Variants in FBLN2 observed in about 807,000 individuals in gnomAD.
FBLN2 encodes the protein fibulin-2.
In FBLN2, 81 loss-of-function variants were observed where a neutral mutation model predicts 123.7. That is an observed-to-expected ratio of 0.65 (90% CI 0.55 to 0.79). The LOEUF is 0.79. Among genes scored for constraint, FBLN2 ranks in the 30% least tolerant of loss-of-function variants. The pLI, the probability that FBLN2 is intolerant of heterozygous loss-of-function variation, is 0.00. For synonymous variants in FBLN2, 699 were observed against 701.4 expected (o/e 1.00, Z 0.05); for missense variants, 1,603 against 1,681.3 (o/e 0.95, Z 0.81).
In FBLN2 at chr3:13,637,782, G is replaced by A. The variant is rs1272383929; in HGVS notation, c.3559G>A (p.Gly1187Ser). 3.1e-6 allele frequency: 5 copies of A among 1,613,808 alleles called. No homozygotes were observed. The highest frequency in any genetic ancestry group is 1.6e-4 in the Middle Eastern group (1 of 6,078). Residue 1187 changes from glycine (G) to serine (S), a missense_variant, in exon 18 of 18, where the codon GGT becomes AGT. Coordinates refer to ENST00000404922, the MANE Select transcript of FBLN2 (RefSeq NM_001004019.2). ...FGTRRLNAYT[G>S]VVYLQRAVLE... ...CACGCGCAGGCTCAATGCCTACACG[G>A]GTGTGGTCTACCTGCAGCGGGCCGT... is the stretch of plus-strand genomic sequence containing the variant.
At chr3:13,609,137 C>T (rs988148076) in intron 3 of FBLN2, among the ~76,000 whole-genome samples, 1 of 152,216 alleles carries the variant, frequency 6.6e-6, no homozygotes, top group Non-Finnish European at 1.5e-5. Context: ...CCCAGGCAGC[C>T]CAACAGTGAC....
chr3:13,631,466 G>T lies in FBLN2; in HGVS notation c.3214+9G>T. Reference sequence around the variant, plus strand: ...CGGGAGGTCCTGCAAGGGTGAGCAAGTCCCCCCACACGCCCCCGCCTCCAT... The same window carrying T: ...CGGGAGGTCCTGCAAGGGTGAGCAATTCCCCCCACACGCCCCCGCCTCCAT... On this transcript the variant is annotated intron_variant, in intron 16 of 17. Coordinates refer to ENST00000404922, the MANE Select transcript of FBLN2 (RefSeq NM_001004019.2). The T allele has an allele frequency of 3.2e-6, 5 of 1,580,070 alleles. No individual in the cohort carries two copies. In the South Asian group the frequency reaches 5.8e-5, roughly 18 times the overall value.
At chr3:13,558,225 C>T (rs1176688292) in intron 1 of FBLN2, among the ~76,000 whole-genome samples, 2 of 152,176 alleles carry the variant, frequency 1.3e-5, no homozygotes, top group African/African-American at 2.4e-5. Flanking sequence ...CTGTCTCCAT[C>T]GCTGTCTGTC....
chr3:13,619,547 A>T (rs2280304), intron 7 of FBLN2, among the ~76,000 whole-genome samples, 183 bp from the exon 8 acceptor site: 27,471 of 152,264 alleles, frequency 0.18, 3,049 homozygotes, highest in Admixed American at 0.26. Flanking sequence ...GTGTTGGAGC[A>T]GACTTAATGG....
At chr3:13,556,258 G>T (rs1225713785) in intron 1 of FBLN2, among the ~76,000 whole-genome samples, 1 of 152,068 alleles carries the variant, frequency 6.6e-6, no homozygotes, top group Non-Finnish European at 1.5e-5. Flanking sequence ...TTCGTTCCTG[G>T]TGAGAGTTTT....
At chr3:13,585,220 A>G (rs1704459632) in intron 2 of FBLN2, among the ~76,000 whole-genome samples, 1 of 152,220 alleles carries the variant, frequency 6.6e-6, no homozygotes, top group African/African-American at 2.4e-5. Context: ...AGCCGTGGCC[A>G]TCAGGATAGA....
In FBLN2 at chr3:13,609,654, C is replaced by T. The variant is rs1368177556; in HGVS notation, c.1548+12C>T. On this transcript the variant is annotated intron_variant, in intron 4 of 17. Coordinates refer to ENST00000404922, the MANE Select transcript of FBLN2 (RefSeq NM_001004019.2). ...TCTCCCTGTACAAGGCAAGCCTGACCTGTGGCCTTCAAGGCAGGGTGGGGT... is the reference window on the plus strand; with the variant it reads ...TCTCCCTGTACAAGGCAAGCCTGACTTGTGGCCTTCAAGGCAGGGTGGGGT... 1 of 835,440 alleles carries T rather than the reference C, an allele frequency of 1.2e-6. No homozygotes were observed. Among genetic ancestry groups the T allele is most frequent in the Non-Finnish European group, 1.7e-6 (1 of 589,004 alleles). 51.8% of individuals were successfully genotyped at this position (835,440 alleles called of 1,614,324 possible). A position where few individuals can be genotyped will look rare whatever the true frequency, so the allele number is the denominator to read the frequency against.
chr3:13,622,244 CTG>C (rs1705879639), intron 9 of FBLN2, among the ~76,000 whole-genome samples: 1 of 152,180 alleles, frequency 6.6e-6, no homozygotes, highest in Non-Finnish European at 1.5e-5. Context: ...TGTGTGGGGT[CTG>C]GAGGCAGGAG....
At chr3:13,617,661 AC>A in intron 5 of FBLN2, among the ~76,000 whole-genome samples, 1 of 66,304 alleles carries the variant, frequency 1.5e-5, no homozygotes, top group East Asian at 4.8e-4. Flanking sequence ...CCATCTACCC[AC>A]CCATCCACCC....
chr3:13,628,847 G>A (rs1032612200), intron 11 of FBLN2, 58 bp from the exon 12 acceptor site: 5 of 1,584,832 alleles, frequency 3.2e-6, no homozygotes, highest in Non-Finnish European at 4.3e-6. Flanking sequence ...CCTGGGAGGG[G>A]CTGGGGCCTG....
intron 2 of FBLN2, among the ~76,000 whole-genome samples, chr3:13,589,718 C>A (rs567139557): frequency 1.4e-4 from 21 of 152,286 alleles, no homozygotes; most frequent in African/African-American, 5.1e-4. Context: ...ATTACCAATT[C>A]CCTAATGCCT....
At chr3:13,627,662 C>T (rs1706094273) in intron 10 of FBLN2, among the ~76,000 whole-genome samples, 170 bp from the exon 11 acceptor site, 1 of 152,232 alleles carries the variant, frequency 6.6e-6, no homozygotes, top group East Asian at 1.9e-4. Context: ...GTTGTTATTA[C>T]TCCTGGGACA....
intron 2 of FBLN2, among the ~76,000 whole-genome samples, chr3:13,602,935 G>A (rs1705082454): frequency 1.4e-5 from 2 of 145,614 alleles, no homozygotes; most frequent in African/African-American, 2.6e-5. Flanking sequence ...TCCCCAAGAC[G>A]AGTCTTGCTC....
chr3:13,571,100 G>A lies in FBLN2; in HGVS notation c.745G>A (p.Ala249Thr), dbSNP rs3821789. The change falls in exon 2 of 18, where the codon GCT becomes ACT. Residue 249 changes from alanine to threonine, a missense_variant. Coordinates refer to ENST00000404922, the MANE Select transcript of FBLN2 (RefSeq NM_001004019.2). The part of the protein sequence containing the change: ...LSTIQAPPWP[A>T]VLPRPTAAAA... ...CACCATCCAGGCACCCCCCTGGCCA[G>A]CTGTCCTCCCCAGGCCCACAGCGGC... is the stretch of plus-strand genomic sequence containing the variant. 3 of 1,552,956 alleles carry A rather than the reference G, an allele frequency of 1.9e-6. No individual in the cohort carries two copies. The African/African-American group carries it at 4.1e-5, about 21-fold the overall frequency.
At chr3:13,637,319 C>G (rs940702159) in intron 17 of FBLN2, among the ~76,000 whole-genome samples, 1 of 152,176 alleles carries the variant, frequency 6.6e-6, no homozygotes, top group African/African-American at 2.4e-5. Flanking sequence ...GAGCTGTTAA[C>G]GAGCCTGGCC....
Position 13,619,851 on chromosome 3 carries a change from C to T in FBLN2, c.2155+20C>T, listed in dbSNP as rs774949992. 6.3e-7 allele frequency: 1 copy of T among 1,595,146 alleles called. No individual in the cohort carries two copies. Among genetic ancestry groups the T allele is most frequent in the Non-Finnish European group, 8.5e-7 (1 of 1,171,072 alleles). ...GTGAAGGTGAGTGCCTTGGGGTGCC[C>T]TCCTACCTGTGCAAACCTGAGTTGG... On this transcript the variant is annotated intron_variant, in intron 8 of 17. Coordinates refer to ENST00000404922, the MANE Select transcript of FBLN2 (RefSeq NM_001004019.2).
chr3:13,610,986 C>T (rs1705373876), intron 4 of FBLN2, among the ~76,000 whole-genome samples: 1 of 151,924 alleles, frequency 6.6e-6, no homozygotes, highest in Admixed American at 6.5e-5. Flanking sequence ...CGTCTCACTG[C>T]AACTCCACCT....
At chr3:13,619,959 T>C in intron 8 of FBLN2, 128 bp downstream of exon 8, 1 of 649,036 alleles carries the variant, frequency 1.5e-6, no homozygotes, top group East Asian at 2.9e-5. Context: ...GCTGCTATGA[T>C]GAGCACCCCT....
intron 2 of FBLN2, among the ~76,000 whole-genome samples, chr3:13,595,181 G>A (rs537058994): frequency 6.6e-6 from 1 of 152,332 alleles, no homozygotes; most frequent in South Asian, 2.1e-4. Context: ...CCGGCCGGTT[G>A]GCTGGACTGG....
Sources: gnomAD v4.1 joint callset for allele counts (sites outside exome capture counted in the v4.1 genomes callset) on GRCh38, gnomAD v4.1.1 for gene constraint, MANE v1.5 for transcripts, NCBI Gene and HGNC (gene_info 2026-07-23, HGNC 2026-07-21) for gene names.